The following IL1RAPL1 variants were observed in gnomAD, a reference collection of about 807,000 sequenced individuals.
The protein encoded by IL1RAPL1 is interleukin 1 receptor accessory protein like 1.
A neutral mutation model predicts 48.4 loss-of-function variants in IL1RAPL1; 3 were observed. The observed-to-expected ratio is 0.06, with a 90% CI of 0.03 to 0.16. The LOEUF (loss-of-function observed/expected upper bound fraction) is 0.16, where lower values mean the gene tolerates loss of function less well. Among genes scored for constraint, IL1RAPL1 ranks in the 10% least tolerant of loss-of-function variants. The pLI is 1.00. For synonymous variants in IL1RAPL1, 185 were observed against 187.7 expected, an observed-to-expected ratio of 0.99 and a Z score of 0.12; for missense variants, 349 against 530.6, an observed-to-expected ratio of 0.66 and a Z score of 3.36.
chrX:29,133,540 T>C (rs1215968093), intron 2 of IL1RAPL1, among the ~76,000 whole-genome samples: 1 of 111,788 alleles, frequency 8.9e-6, no homozygotes, highest in East Asian at 2.8e-4. Context: ...TCTGAGTTTA[T>C]ACAAAAATTG....
intron 2 of IL1RAPL1, among the ~76,000 whole-genome samples, chrX:29,129,265 A>T (rs1928966431): frequency 9.3e-6 from 1 of 108,059 alleles, no homozygotes; most frequent in Non-Finnish European, 1.9e-5. Flanking sequence ...CTGGTCTCAA[A>T]CTCCCGACCT....
At chrX:28,957,874 G>A (rs912378746) in intron 2 of IL1RAPL1, among the ~76,000 whole-genome samples, 5 of 109,930 alleles carry the variant, frequency 4.5e-5, no homozygotes, top group African/African-American at 1.3e-4. Context: ...CAGGAGAATC[G>A]CTTGAACCCG....
At chrX:29,184,723 A>G (rs1446008392) in intron 2 of IL1RAPL1, among the ~76,000 whole-genome samples, 1 of 110,390 alleles carries the variant, frequency 9.1e-6, no homozygotes. Flanking sequence ...CTGGTCTCGA[A>G]CTCCTGACCT....
intron 3 of IL1RAPL1, among the ~76,000 whole-genome samples, chrX:29,357,520 A>G (rs926030908): frequency 8.9e-6 from 1 of 112,379 alleles, no homozygotes; most frequent in Admixed American, 9.5e-5. Context: ...CAAATCATAC[A>G]ATTGAGATAA....
chrX:29,170,061 GATAGA>G (rs1481695552), intron 2 of IL1RAPL1, among the ~76,000 whole-genome samples: 1 of 111,447 alleles, frequency 9.0e-6, no homozygotes, highest in Non-Finnish European at 1.9e-5. Context: ...CAGCATTAGT[GATAGA>G]ATAGATGTCT....
At chrX:28,724,370 A>T (rs907801606) in intron 1 of IL1RAPL1, among the ~76,000 whole-genome samples, 8 of 110,492 alleles carry the variant, frequency 7.2e-5, no homozygotes, top group Non-Finnish European at 5.7e-5. Flanking sequence ...GTCTCTTTTG[A>T]TCTTTGTTGG....
At chrX:29,184,723 A>C (rs1446008392) in intron 2 of IL1RAPL1, among the ~76,000 whole-genome samples, 1 of 110,391 alleles carries the variant, frequency 9.1e-6, no homozygotes, top group African/African-American at 3.3e-5. Context: ...CTGGTCTCGA[A>C]CTCCTGACCT....
At chrX:28,653,559 G>T (rs1934712922) in intron 1 of IL1RAPL1, among the ~76,000 whole-genome samples, 1 of 111,409 alleles carries the variant, frequency 9.0e-6, no homozygotes, top group Non-Finnish European at 1.9e-5. Flanking sequence ...CATATACTAG[G>T]CTGAGATATA....
At chrX:29,033,594 T>C (rs1187984767) in intron 2 of IL1RAPL1, among the ~76,000 whole-genome samples, 1 of 111,191 alleles carries the variant, frequency 9.0e-6, no homozygotes, top group East Asian at 2.8e-4. Flanking sequence ...TAGAAACCAC[T>C]CAAGACTTTT....
intron 2 of IL1RAPL1, among the ~76,000 whole-genome samples, chrX:29,031,927 T>A (rs1383883059): frequency 4.5e-5 from 5 of 111,925 alleles, no homozygotes; most frequent in Non-Finnish European, 9.4e-5. Flanking sequence ...AAGAAGGTGA[T>A]AATACCTAAT....
chrX:28,910,582 TAAAAA>T (rs748074029), intron 2 of IL1RAPL1, among the ~76,000 whole-genome samples: 1 of 98,853 alleles, frequency 1.0e-5, no homozygotes, highest in South Asian at 4.4e-4. Flanking sequence ...TTTGAAAAGT[TAAAAA>T]AAAAAAACGT....
chrX:28,700,422 ATTATCT>A (rs1344799514), intron 1 of IL1RAPL1, among the ~76,000 whole-genome samples: 2 of 111,322 alleles, frequency 1.8e-5, no homozygotes, highest in African/African-American at 6.5e-5. Context: ...AGATACTATC[ATTATCT>A]TTATTTTATA....
intron 1 of IL1RAPL1, among the ~76,000 whole-genome samples, chrX:28,676,292 T>C (rs1228981760): frequency 8.9e-6 from 1 of 112,348 alleles, no homozygotes; most frequent in Admixed American, 9.4e-5. Flanking sequence ...GATTCACATC[T>C]ATATTTATCC....
intron 5 of IL1RAPL1, among the ~76,000 whole-genome samples, chrX:29,435,560 C>A (rs893372704): frequency 9.1e-6 from 1 of 110,286 alleles, no homozygotes; most frequent in Non-Finnish European, 1.9e-5. Flanking sequence ...TGGTTTTGTG[C>A]CGTTGTTTTT....
At chrX:29,298,822 A>G (rs998601156) in intron 3 of IL1RAPL1, among the ~76,000 whole-genome samples, 4 of 111,319 alleles carry the variant, frequency 3.6e-5, no homozygotes, top group Non-Finnish European at 5.7e-5. Flanking sequence ...TAGGACTATC[A>G]TTTTTTCAAG....
At chrX:29,441,769 T>C (rs768241693) in intron 5 of IL1RAPL1, among the ~76,000 whole-genome samples, 3 of 112,291 alleles carry the variant, frequency 2.7e-5, no homozygotes, top group Admixed American at 9.4e-5. Flanking sequence ...ATACAGTTTC[T>C]GCCATTTCAG....
intron 2 of IL1RAPL1, among the ~76,000 whole-genome samples, chrX:29,114,755 G>A (rs1051575880): frequency 2.7e-5 from 3 of 110,220 alleles, no homozygotes; most frequent in African/African-American, 9.9e-5. Context: ...TCAGCCGCCC[G>A]AGTAGCTGGG....
chrX:28,831,456 G>C (rs767134937), intron 2 of IL1RAPL1, among the ~76,000 whole-genome samples: 22 of 108,716 alleles, frequency 2.0e-4, no homozygotes, highest in African/African-American at 7.0e-4. Context: ...TTCTTGAATG[G>C]GGTTTTTCAG....
intron 3 of IL1RAPL1, among the ~76,000 whole-genome samples, chrX:29,324,103 G>A (rs774075338): frequency 3.0e-4 from 33 of 109,475 alleles, no homozygotes; most frequent in Non-Finnish European, 4.6e-4. Context: ...ACCTTTTAAC[G>A]TGTGTATAAG....
Sources: gnomAD v4.1 joint callset for allele counts (sites outside exome capture counted in the v4.1 genomes callset) on GRCh38, gnomAD v4.1.1 for gene constraint, MANE v1.5 for transcripts, NCBI Gene and HGNC (gene_info 2026-07-23, HGNC 2026-07-21) for gene names.